CAST: variants seen among roughly 807,000 people sequenced by gnomAD.
CAST encodes calpastatin.
CAST carries 76 observed loss-of-function variants against 119.6 expected under a neutral mutation model. That is an observed-to-expected ratio of 0.64 (90% CI 0.53 to 0.77). CAST has a LOEUF of 0.77. Ranked by LOEUF, CAST falls within the 30% of genes least tolerant of loss-of-function variation. The probability of loss-of-function intolerance (pLI) is 0.00; values close to 1 mark genes in which losing one functional copy is unlikely to be tolerated. For missense variants in CAST, 953 were observed against 946.5 expected, an observed-to-expected ratio of 1.01 and a Z score of -0.09; for synonymous variants, 319 against 331.6, an observed-to-expected ratio of 0.96 and a Z score of 0.41.
chr5:96,440,174 C>CTTT, the CAST span, among the ~76,000 whole-genome samples: 1 of 143,266 alleles, frequency 7.0e-6, no homozygotes, highest in Non-Finnish European at 1.5e-5. Flanking sequence ...TTTATCCCAC[C>CTTT]TTTTTTTTTT....
chr5:96,069,579 C>G, the CAST span, among the ~76,000 whole-genome samples: 1 of 151,164 alleles, frequency 6.6e-6, no homozygotes, highest in East Asian at 1.9e-4. Flanking sequence ...CACTCCTGGG[C>G]TCAAGTGGTC....
At chr5:96,378,648 G>T in the CAST span, among the ~76,000 whole-genome samples, 1 of 152,084 alleles carries the variant, frequency 6.6e-6, no homozygotes, top group East Asian at 1.9e-4. Flanking sequence ...AAAAGTCCTA[G>T]AATTAGAACT....
chr5:96,763,205 C>T (rs145468356), intron 25 of CAST: 1 of 780,746 alleles, frequency 1.3e-6, no homozygotes, highest in African/African-American at 1.7e-5. Context: ...GATTTTCATC[C>T]TGTTGCGTCA....
the CAST span, among the ~76,000 whole-genome samples, chr5:96,328,218 C>T: frequency 2.6e-5 from 4 of 152,300 alleles, no homozygotes; most frequent in African/African-American, 7.2e-5. Flanking sequence ...TCTGTCAGCT[C>T]CATCAGGCCA....
At chr5:96,199,746 G>C in the CAST span, among the ~76,000 whole-genome samples, 1 of 152,086 alleles carries the variant, frequency 6.6e-6, no homozygotes, top group Middle Eastern at 3.2e-3. Context: ...ATTTTACCTT[G>C]AAATCTTAGC....
the CAST span, among the ~76,000 whole-genome samples, chr5:96,188,020 T>C: frequency 6.6e-6 from 1 of 152,188 alleles, no homozygotes; most frequent in Non-Finnish European, 1.5e-5. Context: ...GCCCACTCAG[T>C]GAGCCACTCA....
At chr5:96,400,404 C>G in the CAST span, among the ~76,000 whole-genome samples, 1 of 152,212 alleles carries the variant, frequency 6.6e-6, no homozygotes, top group Admixed American at 6.5e-5. Flanking sequence ...GTTATGACTT[C>G]TCTCCAGAGC....
chr5:96,125,232 A>C, the CAST span, among the ~76,000 whole-genome samples: 1 of 152,154 alleles, frequency 6.6e-6, no homozygotes, highest in Non-Finnish European at 1.5e-5. Context: ...TTTGCTTAAC[A>C]TTTTAAATGG....
chr5:96,561,796 G>GTTTGTTTTTT (rs1746370578), intron 1 of CAST, among the ~76,000 whole-genome samples: 5 of 97,422 alleles, frequency 5.1e-5, no homozygotes, highest in Non-Finnish European at 7.7e-5. Flanking sequence ...GTTTTTTTTT[G>GTTTGTTTTTT]TTTTTTTTTT....
At chr5:96,531,275 TC>T (rs1186813299) in intron 1 of CAST, among the ~76,000 whole-genome samples, 1 of 152,136 alleles carries the variant, frequency 6.6e-6, no homozygotes, top group Non-Finnish European at 1.5e-5. Context: ...AGAGACCCAT[TC>T]TGTCCTGTGC....
At chr5:96,217,641 G>A in the CAST span, among the ~76,000 whole-genome samples, 3 of 152,202 alleles carry the variant, frequency 2.0e-5, no homozygotes, top group African/African-American at 4.8e-5. Context: ...GGACAAAAAT[G>A]TGAATGGATG....
chr5:95,967,829 A>C, the CAST span, among the ~76,000 whole-genome samples: 1 of 152,220 alleles, frequency 6.6e-6, no homozygotes, highest in East Asian at 1.9e-4. Flanking sequence ...AGAACAGACT[A>C]ATACATAAAT....
chr5:96,580,515 G>C (rs773102041), intron 1 of CAST, among the ~76,000 whole-genome samples: 3 of 152,174 alleles, frequency 2.0e-5, no homozygotes, highest in Non-Finnish European at 2.9e-5. Context: ...TGTTTCTCAA[G>C]TTTTAATGTG....
the CAST span, among the ~76,000 whole-genome samples, chr5:96,431,234 A>G: frequency 4.1e-3 from 627 of 152,224 alleles, 8 homozygotes; most frequent in Admixed American, 0.033. Context: ...CAGACTTACT[A>G]CTAAACTGTA....
At chr5:96,030,844 A>T in the CAST span, among the ~76,000 whole-genome samples, 1 of 152,170 alleles carries the variant, frequency 6.6e-6, no homozygotes, top group Admixed American at 6.6e-5. Context: ...CAGGAGTTGA[A>T]AACCAGTCTG....
chr5:96,237,381 G>A, the CAST span, among the ~76,000 whole-genome samples: 2 of 152,100 alleles, frequency 1.3e-5, no homozygotes, highest in Non-Finnish European at 2.9e-5. Flanking sequence ...TTTTTGGGGG[G>A]AGTAGGGGTA....
intron 1 of CAST, among the ~76,000 whole-genome samples, chr5:96,664,415 GCA>G (rs1197375195): frequency 0.023 from 3,325 of 145,100 alleles, 135 homozygotes; most frequent in African/African-American, 0.082. Context: ...ATATATATAT[GCA>G]CACACACACA....
the CAST span, among the ~76,000 whole-genome samples, chr5:96,331,939 A>T: frequency 2.6e-5 from 4 of 152,236 alleles, no homozygotes; most frequent in Non-Finnish European, 5.9e-5. Context: ...TCACACAGTC[A>T]ACATGTCATT....
the CAST span, among the ~76,000 whole-genome samples, chr5:96,463,094 A>G: frequency 6.6e-6 from 1 of 152,110 alleles, no homozygotes; most frequent in Non-Finnish European, 1.5e-5. Context: ...TTATCGTTTC[A>G]TATCTGGGAA....
Sources: allele counts gnomAD v4.1 joint callset (sites outside exome capture counted in the v4.1 genomes callset), GRCh38; gene constraint gnomAD v4.1.1; transcripts MANE v1.5; gene names NCBI Gene and HGNC (gene_info 2026-07-23, HGNC 2026-07-21).